IL18RAP: variants seen among roughly 807,000 people sequenced by gnomAD.
IL18RAP encodes the protein interleukin 18 receptor accessory protein.
A neutral mutation model predicts 58.1 loss-of-function variants in IL18RAP; 37 were observed. The ratio of observed to expected loss-of-function variants is 0.64; its 90% CI spans 0.49 to 0.84. IL18RAP has a LOEUF of 0.84. IL18RAP is among the 40% of genes least tolerant of loss of function. The pLI is 0.00. For missense variants in IL18RAP, 667 were observed against 704.8 expected, an observed-to-expected ratio of 0.95 and a Z score of 0.61; for synonymous variants, 268 against 257.5, an observed-to-expected ratio of 1.04 and a Z score of -0.39.
chr2:102,437,115 T>C (rs1235106484), intron 3 of IL18RAP, 97 bp from the exon 4 acceptor site: 2 of 1,122,924 alleles, frequency 1.8e-6, no homozygotes, highest in African/African-American at 3.1e-5. Flanking sequence ...TTGACCTTCT[T>C]CCTCCCTGTT....
chr2:102,442,973 T>C (rs1380917549), intron 5 of IL18RAP, among the ~76,000 whole-genome samples: 3 of 152,172 alleles, frequency 2.0e-5, no homozygotes, highest in Admixed American at 2.0e-4. Context: ...TAAGAACATA[T>C]AGTCATATGG....
In IL18RAP at chr2:102,424,234, C is replaced by T. The variant is rs759002759; in HGVS notation, c.399C>T (p.Ser133=). 4.3e-6 allele frequency: 7 copies of T among 1,613,682 alleles called. No homozygotes were observed. Among genetic ancestry groups the T allele is most frequent in the South Asian group, 1.1e-5 (1 of 91,022 alleles). ...CAGGATCTTGTTAATTTCCTAGGAG[C>T]CCCTATGATGTAGCCTGTTGTGTCA... The part of the protein sequence containing the change: ...SYICRPKMIK[S]PYDVACCVKM... Residue 133 remains serine (S), a synonymous_variant, in exon 3 of 10, where the codon AGC becomes AGT. Coordinates refer to ENST00000687160, the MANE Select transcript of IL18RAP (RefSeq NM_001393487.1).
upstream of IL18RAP, chr2:102,419,307 C>T (rs1470180339): frequency 6.6e-6 from 1 of 152,176 alleles, no homozygotes; most frequent in Non-Finnish European, 1.5e-5. Flanking sequence ...ACAATGGGGT[C>T]TAAAGCCACC....
Position 102,452,227 on chromosome 2 carries a change from G to A in IL18RAP, c.*46G>A. The A allele has an allele frequency of 6.6e-7, 1 of 1,510,772 alleles. No individual in the cohort carries two copies. Among genetic ancestry groups the A allele is most frequent in the Non-Finnish European group, 8.9e-7 (1 of 1,122,886 alleles). 93.6% of individuals were successfully genotyped at this position (1,510,772 alleles called of 1,614,324 possible). A position where few individuals can be genotyped will look rare whatever the true frequency, so the allele number is the denominator to read the frequency against. ...CCAGTCCAGTCCCTGGGATAGAGAT[G>A]TTGCTGGACAGAACTCACAGCTCTG... On this transcript the variant is annotated 3_prime_UTR_variant, in exon 10 of 10. Transcript: ENST00000687160.
rs1321059182 is a variant in IL18RAP at position 102,450,836 on chromosome 2, C to T, written c.1211-12C>T. On this transcript the variant is annotated splice_polypyrimidine_tract_variant and intron_variant, in intron 8 of 9. Coordinates refer to ENST00000687160, the MANE Select transcript of IL18RAP (RefSeq NM_001393487.1). ...AATGACTTATGTTTTTATAAATTTT[C>T]CTATTCTTCAGATAAAAAGGATTTT... 1.3e-6 allele frequency: 2 copies of T among 1,552,574 alleles called. No homozygotes were observed. Among genetic ancestry groups the T allele is most frequent in the African/African-American group, 1.4e-5 (1 of 72,408 alleles).
At chr2:102,420,307 T>C (rs933077222), upstream of IL18RAP, among the ~76,000 whole-genome samples, 2 of 152,226 alleles carry the variant, frequency 1.3e-5, no homozygotes, top group African/African-American at 4.8e-5. Flanking sequence ...TTGTTTATAA[T>C]GTAGGTTCCA....
chr2:102,444,668 G>A (rs1192458014), intron 6 of IL18RAP, among the ~76,000 whole-genome samples: 3 of 152,344 alleles, frequency 2.0e-5, no homozygotes, highest in East Asian at 1.9e-4. Context: ...CCTGGGTGGA[G>A]CAGCGTGGCA....
At chr2:102,433,363 C>T (rs1448818694) in intron 3 of IL18RAP, among the ~76,000 whole-genome samples, 7 of 152,182 alleles carry the variant, frequency 4.6e-5, no homozygotes, top group Non-Finnish European at 1.0e-4. Flanking sequence ...GTTGGGACTA[C>T]AGGCACATAC....
intron 4 of IL18RAP, chr2:102,439,744 G>C (rs1008988659): frequency 3.3e-5 from 5 of 152,214 alleles, no homozygotes; most frequent in Non-Finnish European, 5.9e-5. Flanking sequence ...TGAAGGGAAA[G>C]AGCATTTGAA....
At chr2:102,431,693 T>C (rs1573274635) in intron 3 of IL18RAP, among the ~76,000 whole-genome samples, 1 of 152,232 alleles carries the variant, frequency 6.6e-6, no homozygotes, top group East Asian at 1.9e-4. Context: ...GATATTATAG[T>C]TCAGGTATTA....
At chr2:102,447,669 C>G (rs532031033) in intron 8 of IL18RAP, among the ~76,000 whole-genome samples, 7 of 152,104 alleles carry the variant, frequency 4.6e-5, no homozygotes, top group Non-Finnish European at 8.8e-5. Context: ...TGAGGGCTCA[C>G]TGATGTATTC....
intron 6 of IL18RAP, among the ~76,000 whole-genome samples, 161 bp downstream of exon 6, chr2:102,443,484 A>G (rs548111911): frequency 1.2e-4 from 19 of 152,334 alleles, no homozygotes; most frequent in African/African-American, 4.6e-4. Context: ...GTTGAATGAA[A>G]TATTTAAGTT....
At chr2:102,450,528 GAGA>G (rs1178641042) in intron 8 of IL18RAP, among the ~76,000 whole-genome samples, 1 of 152,128 alleles carries the variant, frequency 6.6e-6, no homozygotes, top group Non-Finnish European at 1.5e-5. Context: ...TGTGACTAAT[GAGA>G]CAGAAACACT....
chr2:102,438,841 A>C (rs1192326943), intron 4 of IL18RAP: 2 of 152,250 alleles, frequency 1.3e-5, no homozygotes, highest in African/African-American at 4.8e-5. Flanking sequence ...CCATTTTGAG[A>C]AGAAGACAAA....
chr2:102,419,174 A>G (rs1010779857), upstream of IL18RAP, among the ~76,000 whole-genome samples: 1 of 152,194 alleles, frequency 6.6e-6, no homozygotes, highest in Non-Finnish European at 1.5e-5. Flanking sequence ...TGCTTTGAGC[A>G]TTTTACAGGA....
chr2:102,447,324 A>C lies in IL18RAP; in HGVS notation c.1210+117A>C, dbSNP rs1054513063. On this transcript the variant is annotated intron_variant, in intron 8 of 9. Transcript: ENST00000687160. ...TTTGTTTCCTCAGAGTTACCTTAGAAAAGAACTTCAAATGTCCCCTGCCAG... is the reference window on the plus strand; with the variant it reads ...TTTGTTTCCTCAGAGTTACCTTAGACAAGAACTTCAAATGTCCCCTGCCAG... 5.1e-6 allele frequency: 6 copies of C among 1,183,134 alleles called. No homozygotes were observed. The African/African-American group carries it at 6.1e-5, about 12-fold the overall frequency. 73.3% of individuals were successfully genotyped at this position (1,183,134 alleles called of 1,614,324 possible).
upstream of IL18RAP, among the ~76,000 whole-genome samples, chr2:102,422,833 T>A (rs1386540986): frequency 6.6e-6 from 1 of 152,214 alleles, no homozygotes; most frequent in Non-Finnish European, 1.5e-5. Flanking sequence ...CTGACAGTTT[T>A]ATTCAACTTG....
intron 8 of IL18RAP, among the ~76,000 whole-genome samples, chr2:102,450,566 A>G (rs780488929): frequency 5.9e-5 from 9 of 152,202 alleles, no homozygotes; most frequent in Non-Finnish European, 1.3e-4. Context: ...GGCTCAGAGA[A>G]ACTCCTGAGT....
Position 102,424,035 on chromosome 2 carries a change from A to T in IL18RAP, c.295A>T (p.Lys99Ter). The T allele has an allele frequency of 3.1e-6, 5 of 1,614,096 alleles. No homozygotes were observed. Among genetic ancestry groups the T allele is most frequent in the Non-Finnish European group, 4.2e-6 (5 of 1,179,990 alleles). The change falls in exon 2 of 10, where the codon AAA (lysine) becomes TAA (stop). Residue 99 changes from lysine to a stop codon, truncating the protein, a stop_gained. Coordinates refer to ENST00000687160, the MANE Select transcript of IL18RAP (RefSeq NM_001393487.1). LOFTEE classifies it high-confidence loss of function. ...SNGDPLEDIR[K>*]SYPHIIQDKC... ...TGGAGATCCATTAGAGGACATTAGG[A>T]AAAGCTATCCTCACATCATTCAGGA...
Sources: gnomAD v4.1 joint callset for allele counts (sites outside exome capture counted in the v4.1 genomes callset) on GRCh38, gnomAD v4.1.1 for gene constraint, MANE v1.5 for transcripts, NCBI Gene and HGNC (gene_info 2026-07-23, HGNC 2026-07-21) for gene names.